SMYD3: variants seen among roughly 807,000 people sequenced by gnomAD.
SMYD3 encodes SET and MYND domain containing 3.
Under a neutral mutation model 57.7 loss-of-function variants are expected in SMYD3, and 36 were observed. The ratio of observed to expected loss-of-function variants is 0.62; its 90% CI spans 0.48 to 0.82. SMYD3 has a LOEUF of 0.82. SMYD3 is among the 40% of genes least tolerant of loss of function. SMYD3 has a pLI of 0.00. For synonymous variants in SMYD3, 211 were observed against 195.0 expected, an observed-to-expected ratio of 1.08 and a Z score of -0.68; for missense variants, 515 against 538.8, an observed-to-expected ratio of 0.96 and a Z score of 0.44.
intron 5 of SMYD3, among the ~76,000 whole-genome samples, chr1:246,285,014 A>C (rs1225392767): frequency 6.6e-6 from 1 of 150,958 alleles, no homozygotes; most frequent in African/African-American, 2.4e-5. Flanking sequence ...GTATTTGGTT[A>C]CATGAGTAAG....
chr1:246,016,477 G>A (rs939510997), intron 5 of SMYD3, among the ~76,000 whole-genome samples: 1 of 152,094 alleles, frequency 6.6e-6, no homozygotes, highest in African/African-American at 2.4e-5. Context: ...CAGCTACTCG[G>A]GAGGCTGAGG....
At chr1:246,470,902 T>G (rs2067953238) in intron 1 of SMYD3, among the ~76,000 whole-genome samples, 1 of 152,170 alleles carries the variant, frequency 6.6e-6, no homozygotes, top group Non-Finnish European at 1.5e-5. Flanking sequence ...TCTTAGGAAA[T>G]GTACACTAAA....
intron 5 of SMYD3, among the ~76,000 whole-genome samples, chr1:245,947,722 G>A (rs1345735552): frequency 6.6e-6 from 1 of 152,152 alleles, no homozygotes; most frequent in Non-Finnish European, 1.5e-5. Flanking sequence ...TATTACCATA[G>A]TTCGATCAAC....
At chr1:246,101,114 C>T (rs561858358) in intron 5 of SMYD3, among the ~76,000 whole-genome samples, 2 of 111,292 alleles carry the variant, frequency 1.8e-5, no homozygotes, top group African/African-American at 3.4e-5. Context: ...GAGTAAGACG[C>T]TTATAATATG....
chr1:246,483,700 A>C (rs1033419039), intron 1 of SMYD3: 2 of 151,426 alleles, frequency 1.3e-5, no homozygotes, highest in African/African-American at 4.9e-5. Context: ...AGCTATGAAC[A>C]ATTAAGATGG....
At chr1:245,925,021 G>A (rs532619872) in intron 7 of SMYD3, among the ~76,000 whole-genome samples, 61 of 150,352 alleles carry the variant, frequency 4.1e-4, no homozygotes, top group African/African-American at 1.4e-3. Flanking sequence ...AACAAATGTT[G>A]ATTGAGGAAC....
chr1:246,000,235 C>G (rs1258036043), intron 5 of SMYD3, among the ~76,000 whole-genome samples: 1 of 152,144 alleles, frequency 6.6e-6, no homozygotes, highest in African/African-American at 2.4e-5. Flanking sequence ...TGTGCCCCAC[C>G]CTCTTTCTTA....
intron 1 of SMYD3, among the ~76,000 whole-genome samples, chr1:246,385,482 T>C (rs2066460369): frequency 1.3e-5 from 2 of 152,014 alleles, no homozygotes; most frequent in East Asian, 1.9e-4. Context: ...GCATTTCTGC[T>C]CCCACCTCAA....
intron 5 of SMYD3, among the ~76,000 whole-genome samples, chr1:246,002,725 G>C (rs10924443): frequency 0.042 from 4,738 of 111,950 alleles, 462 homozygotes; most frequent in African/African-American, 0.089. Context: ...GTGCTGGGAT[G>C]ACAGGCGCCC....
At chr1:245,943,337 C>T (rs1431216303) in intron 5 of SMYD3, among the ~76,000 whole-genome samples, 1 of 151,462 alleles carries the variant, frequency 6.6e-6, no homozygotes, top group African/African-American at 2.4e-5. Context: ...ATACAACCAA[C>T]CATCAGAGAG....
chr1:246,116,201 G>GACACACACACACACACAC (rs56722969), intron 5 of SMYD3, among the ~76,000 whole-genome samples: 28 of 146,026 alleles, frequency 1.9e-4, no homozygotes, highest in African/African-American at 5.0e-4. Context: ...CCCTGAGATG[G>GACACACACACACACACAC]ACACACACAC....
At chr1:246,415,805 T>C (rs1409128664) in intron 1 of SMYD3, among the ~76,000 whole-genome samples, 6 of 152,322 alleles carry the variant, frequency 3.9e-5, no homozygotes, top group South Asian at 4.1e-4. Flanking sequence ...AATAAAAACA[T>C]TGAGCACCAC....
chr1:245,851,901 C>T (rs540047687), intron 10 of SMYD3, among the ~76,000 whole-genome samples: 2 of 152,244 alleles, frequency 1.3e-5, no homozygotes, highest in Admixed American at 6.5e-5. Flanking sequence ...ACGGAAAGCA[C>T]AGGCTTTATG....
intron 5 of SMYD3, among the ~76,000 whole-genome samples, chr1:245,963,362 G>A (rs1483874097): frequency 6.6e-6 from 1 of 152,118 alleles, no homozygotes; most frequent in African/African-American, 2.4e-5. Flanking sequence ...ACAGAGGGGC[G>A]CATACAGAGC....
intron 5 of SMYD3, chr1:245,956,043 T>A (rs73130331): frequency 1.0e-6 from 1 of 985,120 alleles, no homozygotes; most frequent in Non-Finnish European, 1.2e-6. Context: ...CAAATGACCC[T>A]ATGTTCATTA....
At chr1:246,067,428 T>C (rs1353217641) in intron 5 of SMYD3, among the ~76,000 whole-genome samples, 1 of 152,094 alleles carries the variant, frequency 6.6e-6, no homozygotes, top group Non-Finnish European at 1.5e-5. Flanking sequence ...AAATAAAAAG[T>C]CTAGTCAGGA....
At chr1:245,789,398 T>G (rs2148177562) in intron 10 of SMYD3, among the ~76,000 whole-genome samples, 1 of 152,210 alleles carries the variant, frequency 6.6e-6, no homozygotes, top group South Asian at 2.1e-4. Context: ...TTTTTAATAG[T>G]CTGCAATACG....
intron 1 of SMYD3, among the ~76,000 whole-genome samples, chr1:246,364,481 C>G (rs554375341): frequency 6.6e-6 from 1 of 152,210 alleles, no homozygotes; most frequent in African/African-American, 2.4e-5. Context: ...GGTAAGCAGT[C>G]TTATTATGCC....
At chr1:245,927,632 T>G (rs530864906) in intron 7 of SMYD3, among the ~76,000 whole-genome samples, 2 of 152,336 alleles carry the variant, frequency 1.3e-5, no homozygotes, top group African/African-American at 4.8e-5. Flanking sequence ...GAATTCCCTG[T>G]GTGTGCATAA....
Sources: gnomAD v4.1 joint callset for allele counts (sites outside exome capture counted in the v4.1 genomes callset) on GRCh38, gnomAD v4.1.1 for gene constraint, MANE v1.5 for transcripts, NCBI Gene and HGNC (gene_info 2026-07-23, HGNC 2026-07-21) for gene names.